AFAP1L1: variants seen among roughly 807,000 people sequenced by gnomAD.
The protein encoded by AFAP1L1 is actin filament-associated protein 1-like 1.
Under a neutral mutation model 99.8 loss-of-function variants are expected in AFAP1L1, and 77 were observed. The observed-to-expected ratio is 0.77, with a 90% CI of 0.64 to 0.93. The LOEUF is 0.93. Among genes scored for constraint, AFAP1L1 ranks in the 40% least tolerant of loss-of-function variants. The pLI, the probability that AFAP1L1 is intolerant of heterozygous loss-of-function variation, is 0.00. For missense variants in AFAP1L1, 893 were observed against 996.8 expected, an observed-to-expected ratio of 0.90 and a Z score of 1.40; for synonymous variants, 373 against 395.3, an observed-to-expected ratio of 0.94 and a Z score of 0.67.
In AFAP1L1 at chr5:149,300,329, C is replaced by T. The variant is rs1167132674; in HGVS notation, c.204C>T (p.Phe68=). The T allele has an allele frequency of 1.2e-5, 19 of 1,613,224 alleles. No individual in the cohort carries two copies. Among genetic ancestry groups the T allele is most frequent in the African/African-American group, 4.0e-5 (3 of 74,892 alleles). ...NTADLHSGPS[F]VESLFEEFDC... is the part of the protein sequence containing the mutation. ...CAGACCTCCACTCGGGGCCCAGCTT[C>T]GTGGAATCCCTCTTTGAAGAATTTG... Residue 68 remains phenylalanine (F), a synonymous_variant, in exon 3 of 19, where the codon TTC becomes TTT. Transcript: ENST00000296721.
intron 15 of AFAP1L1, among the ~76,000 whole-genome samples, chr5:149,325,784 G>A (rs1350192343): frequency 6.6e-6 from 1 of 152,178 alleles, no homozygotes; most frequent in African/African-American, 2.4e-5. Flanking sequence ...TCTAGCAAGG[G>A]CCTTCTTGCT....
intron 15 of AFAP1L1, among the ~76,000 whole-genome samples, chr5:149,327,865 A>T (rs1757140683): frequency 6.6e-6 from 1 of 152,230 alleles, no homozygotes; most frequent in African/African-American, 2.4e-5. Context: ...AGACAGACAG[A>T]TGAGCATAAA....
At chr5:149,322,781 G>T (rs1337944680) in intron 15 of AFAP1L1, 64 bp downstream of exon 15, 1 of 1,355,736 alleles carries the variant, frequency 7.4e-7, no homozygotes, top group African/African-American at 1.5e-5. Context: ...TCTATAGGAG[G>T]GATCTCAAAA....
At position 149,329,683 on chromosome 5, in the gene AFAP1L1, T is replaced by C. The variant is rs774573297; in HGVS notation, c.1828T>C (p.Tyr610His). 5 of 1,613,360 alleles carry C rather than the reference T, an allele frequency of 3.1e-6. No individual in the cohort carries two copies. The highest frequency in any genetic ancestry group is 4.2e-6 in the Non-Finnish European group (5 of 1,179,780). Residue 610 changes from tyrosine (Y) to histidine (H), a missense_variant, in exon 16 of 19, where the codon TAT becomes CAT. Tyr to His is a moderately conservative substitution (Grantham distance 83). Coordinates refer to ENST00000296721, the MANE Select transcript of AFAP1L1 (RefSeq NM_152406.4). The stretch of plus-strand genomic sequence containing the variant: ...CTCTGCAGGTGCCAATCAATACAAG[T>C]ATGGCAAGAACCGAGCCGAGGAGGA... ...RHASSANQYKYGKNRAEEDAR... is the reference protein window; with the variant it reads ...RHASSANQYKHGKNRAEEDAR...
intron 18 of AFAP1L1, among the ~76,000 whole-genome samples, chr5:149,337,682 G>A (rs1757443773): frequency 6.6e-6 from 1 of 152,216 alleles, no homozygotes; most frequent in Admixed American, 6.5e-5. Context: ...TTCCAAGCCA[G>A]TGAAAGGAGA....
intron 14 of AFAP1L1, among the ~76,000 whole-genome samples, chr5:149,321,030 C>T (rs1266593287): frequency 2.0e-5 from 3 of 152,244 alleles, no homozygotes; most frequent in Non-Finnish European, 4.4e-5. Flanking sequence ...AGAGGAGAGC[C>T]ACATTCCAAT....
intron 1 of AFAP1L1, among the ~76,000 whole-genome samples, chr5:149,283,603 T>C (rs1755588436): frequency 6.6e-6 from 1 of 152,212 alleles, no homozygotes; most frequent in African/African-American, 2.4e-5. Context: ...TATGAAAATA[T>C]CTTCAAATCA....
At chr5:149,337,044 G>A (rs1561688726) in intron 18 of AFAP1L1, among the ~76,000 whole-genome samples, 2 of 152,096 alleles carry the variant, frequency 1.3e-5, no homozygotes, top group African/African-American at 4.8e-5. Context: ...AGACTGATGA[G>A]TTTTCAAGGA....
At chr5:149,315,936 G>C (rs2127598498) in intron 10 of AFAP1L1, 22 bp downstream of exon 10, 1 of 1,613,394 alleles carries the variant, frequency 6.2e-7, no homozygotes, top group East Asian at 2.2e-5. Flanking sequence ...TGGGGGCTCA[G>C]GCTGGGGAAT....
intron 1 of AFAP1L1, among the ~76,000 whole-genome samples, chr5:149,277,520 T>A (rs143723204): frequency 0.015 from 2,221 of 152,314 alleles, 63 homozygotes; most frequent in African/African-American, 0.051. Context: ...GCTGTGAATT[T>A]CCATGCAGAC....
rs1233085596 is a variant in AFAP1L1 at position 149,340,179 on chromosome 5, GA to G, written c.*150del. On this transcript the variant is annotated 3_prime_UTR_variant, in exon 19 of 19. Transcript: ENST00000296721. ...AAATACCAGCCTTTATTGTCTGCAT[GA>G]TTTTAGGGGATATGGGGAGGGAACA... 3.9e-6 allele frequency: 3 copies of G among 773,380 alleles called. No individual in the cohort carries two copies. Among genetic ancestry groups the G allele is most frequent in the Non-Finnish European group, 6.3e-6 (3 of 475,774 alleles). 47.9% of individuals were successfully genotyped at this position (773,380 alleles called of 1,614,324 possible). A position where few individuals can be genotyped will look rare whatever the true frequency, so the allele number is the denominator to read the frequency against.
At chr5:149,311,669 G>C (rs1756634175) in intron 8 of AFAP1L1, among the ~76,000 whole-genome samples, 1 of 152,212 alleles carries the variant, frequency 6.6e-6, no homozygotes, top group African/African-American at 2.4e-5. Flanking sequence ...CTACCCTACA[G>C]GTTGCTGTAA....
chr5:149,307,239 T>A (rs1482700477), intron 6 of AFAP1L1, among the ~76,000 whole-genome samples, 163 bp from the exon 7 acceptor site: 2 of 151,870 alleles, frequency 1.3e-5, no homozygotes, highest in Non-Finnish European at 2.9e-5. Context: ...AGAGCGAGAT[T>A]CCGTCTCCAA....
chr5:149,304,367 A>T (rs1241111149), intron 5 of AFAP1L1: 1 of 152,208 alleles, frequency 6.6e-6, no homozygotes, highest in African/African-American at 2.4e-5. Flanking sequence ...GTTCTGTGTT[A>T]TCGCAAACAG....
chr5:149,306,172 C>A, intron 5 of AFAP1L1, 134 bp from the exon 6 acceptor site: 1 of 655,126 alleles, frequency 1.5e-6, no homozygotes, highest in Non-Finnish European at 2.6e-6. Flanking sequence ...GGCCTCACAC[C>A]CTGGCCTGAG....
At chr5:149,318,386 C>T (rs1262845184) in intron 12 of AFAP1L1, among the ~76,000 whole-genome samples, 2 of 152,216 alleles carry the variant, frequency 1.3e-5, no homozygotes, top group African/African-American at 2.4e-5. Flanking sequence ...GGAATCCCCT[C>T]TAAGACTTTT....
In AFAP1L1 at chr5:149,335,645, A is replaced by C; in HGVS notation, c.2206A>C (p.Asn736His). ...NSVPEQPLPVNCVSELRKRSP... is the reference protein window; with the variant it reads ...NSVPEQPLPVHCVSELRKRSP... ...CGTTCCAGAGCAACCTCTCCCTGTC[A>C]ACTGTGTTTCTGAGCTGAGGAAGAG... The change falls in exon 18 of 19, where the codon AAC (asparagine) becomes CAC (histidine). Residue 736 changes from asparagine to histidine, a missense_variant. Asn to His is a moderately conservative substitution (Grantham distance 68). Coordinates refer to ENST00000296721, the MANE Select transcript of AFAP1L1 (RefSeq NM_152406.4). 6.2e-7 allele frequency: 1 copy of C among 1,613,430 alleles called. No individual in the cohort carries two copies. Among genetic ancestry groups the C allele is most frequent in the Non-Finnish European group, 8.5e-7 (1 of 1,180,030 alleles).
Position 149,320,465 on chromosome 5 carries a change from T to C in AFAP1L1, c.1698+2T>C. ...GATGTTCCTTATGAAAAGATGCAGG[T>C]ACAGTCCCTTGGGGCTGCCCAGGAA... On this transcript the variant is annotated splice_donor_variant, in intron 14 of 18. Coordinates refer to ENST00000296721, the MANE Select transcript of AFAP1L1 (RefSeq NM_152406.4). LOFTEE classifies it high-confidence loss of function. The surrounding 1 kb of genome is among the most constrained non-coding windows in gnomAD (Gnocchi z 4.0). 6.2e-7 allele frequency: 1 copy of C among 1,614,102 alleles called. No individual in the cohort carries two copies. The highest frequency in any genetic ancestry group is 8.5e-7 in the Non-Finnish European group (1 of 1,179,946).
intron 7 of AFAP1L1, among the ~76,000 whole-genome samples, chr5:149,307,816 C>CG: frequency 1.4e-5 from 2 of 144,030 alleles, no homozygotes; most frequent in African/African-American, 5.2e-5. Context: ...CTGTGCCTCT[C>CG]TTTCTCTCTC....
Sources: allele counts gnomAD v4.1 joint callset (sites outside exome capture counted in the v4.1 genomes callset), GRCh38; gene constraint gnomAD v4.1.1; non-coding constraint Gnocchi (gnomAD v3.1); transcripts MANE v1.5; gene names NCBI Gene and HGNC (gene_info 2026-07-23, HGNC 2026-07-21).